RASGRF2: variants seen among roughly 807,000 people sequenced by gnomAD.
The protein encoded by RASGRF2 is ras-specific guanine nucleotide-releasing factor 2.
A neutral mutation model predicts 151.0 loss-of-function variants in RASGRF2; 76 were observed. That is an observed-to-expected ratio of 0.50 (90% CI 0.42 to 0.61). The LOEUF is 0.61. Among genes scored for constraint, RASGRF2 ranks in the 20% least tolerant of loss-of-function variants. RASGRF2 has a pLI of 0.00. For missense variants in RASGRF2, 1,148 were observed against 1,564.6 expected, an observed-to-expected ratio of 0.73 and a Z score of 4.49; for synonymous variants, 504 against 566.5, an observed-to-expected ratio of 0.89 and a Z score of 1.57.
intron 1 of RASGRF2, among the ~76,000 whole-genome samples, chr5:81,041,369 G>A (rs550874339): frequency 6.5e-4 from 98 of 151,634 alleles, no homozygotes; most frequent in Non-Finnish European, 8.8e-4. Flanking sequence ...ACTGTTATTC[G>A]TGAATATTGT....
intron 1 of RASGRF2, among the ~76,000 whole-genome samples, chr5:80,971,983 C>A (rs558552272): frequency 3.0e-4 from 45 of 152,154 alleles, no homozygotes; most frequent in Non-Finnish European, 5.9e-4. Context: ...GATCCTCCCA[C>A]CTTGGCCTCC....
At chr5:81,007,418 G>A (rs1380645345) in intron 1 of RASGRF2, among the ~76,000 whole-genome samples, 1 of 152,120 alleles carries the variant, frequency 6.6e-6, no homozygotes, top group African/African-American at 2.4e-5. Context: ...TCTGCCCTGA[G>A]GAAGGGGTTC....
chr5:81,120,513 G>A (rs1021240817), intron 15 of RASGRF2, among the ~76,000 whole-genome samples: 2 of 152,184 alleles, frequency 1.3e-5, no homozygotes, highest in African/African-American at 2.4e-5. Context: ...AGCCTAAGAG[G>A]TCAAGGACGC....
chr5:81,218,035 C>A (rs1185489572), intron 25 of RASGRF2, among the ~76,000 whole-genome samples: 1 of 152,112 alleles, frequency 6.6e-6, no homozygotes, highest in African/African-American at 2.4e-5. Flanking sequence ...AGCTACCGCA[C>A]CTGGCGACCA....
chr5:80,977,583 A>G (rs1748163948), intron 1 of RASGRF2, among the ~76,000 whole-genome samples: 1 of 152,042 alleles, frequency 6.6e-6, no homozygotes, highest in East Asian at 1.9e-4. Context: ...CAGCCTCTAG[A>G]GTAGCTGGGA....
At chr5:81,153,207 CG>C (rs1754176284) in intron 17 of RASGRF2, among the ~76,000 whole-genome samples, 1 of 152,174 alleles carries the variant, frequency 6.6e-6, no homozygotes, top group Non-Finnish European at 1.5e-5. Context: ...ATATCCTAAA[CG>C]GTGTGATCCG....
At chr5:81,157,445 A>T (rs1016293411) in intron 17 of RASGRF2, among the ~76,000 whole-genome samples, 74 of 152,284 alleles carry the variant, frequency 4.9e-4, no homozygotes, top group Middle Eastern at 3.4e-3. Flanking sequence ...GCTGAGAGAC[A>T]TTAGTGGAGA....
intron 1 of RASGRF2, among the ~76,000 whole-genome samples, chr5:81,026,541 G>A (rs1212526318): frequency 3.9e-5 from 6 of 152,082 alleles, no homozygotes; most frequent in South Asian, 2.1e-4. Flanking sequence ...CCCAATGCAC[G>A]TACAAACAGA....
intron 5 of RASGRF2, among the ~76,000 whole-genome samples, chr5:81,073,705 G>A (rs1411480891): frequency 2.6e-5 from 4 of 152,042 alleles, no homozygotes; most frequent in Middle Eastern, 3.4e-3. Context: ...TGCCAGCTCC[G>A]CCTCCCGGGT....
At chr5:81,084,658 A>G (rs542620600) in intron 7 of RASGRF2, among the ~76,000 whole-genome samples, 6 of 152,330 alleles carry the variant, frequency 3.9e-5, no homozygotes, top group South Asian at 2.1e-4. Flanking sequence ...AAGCAGCCCA[A>G]TGAAGGCCAC....
intron 13 of RASGRF2, among the ~76,000 whole-genome samples, chr5:81,111,809 G>C (rs1241368350): frequency 6.6e-6 from 1 of 151,860 alleles, no homozygotes; most frequent in Non-Finnish European, 1.5e-5. Flanking sequence ...AGTTTAATCC[G>C]AAAAAAATAA....
At chr5:81,216,209 ACTAT>A (rs1467865452) in intron 24 of RASGRF2, among the ~76,000 whole-genome samples, 4 of 152,264 alleles carry the variant, frequency 2.6e-5, no homozygotes, top group East Asian at 1.9e-4. Flanking sequence ...AATAAATCGG[ACTAT>A]CTTTTACTGT....
intron 5 of RASGRF2, among the ~76,000 whole-genome samples, chr5:81,074,483 C>G (rs540368953): frequency 1.3e-5 from 2 of 152,094 alleles, no homozygotes; most frequent in African/African-American, 4.8e-5. Flanking sequence ...CCCGATTCCC[C>G]CCACTTTCTA....
At chr5:80,978,678 T>C (rs1317039807) in intron 1 of RASGRF2, among the ~76,000 whole-genome samples, 1 of 151,980 alleles carries the variant, frequency 6.6e-6, no homozygotes, top group Non-Finnish European at 1.5e-5. Context: ...TCCCAGCTAC[T>C]CAGGAGGCTG....
intron 3 of RASGRF2, among the ~76,000 whole-genome samples, chr5:81,068,626 CCA>C (rs1264977768): frequency 6.6e-6 from 1 of 152,126 alleles, no homozygotes; most frequent in Non-Finnish European, 1.5e-5. Flanking sequence ...CTTCTCCCCT[CCA>C]CAGTTTTGAA....
intron 1 of RASGRF2, among the ~76,000 whole-genome samples, chr5:80,969,946 C>T (rs957708379): frequency 1.8e-4 from 27 of 150,792 alleles, no homozygotes; most frequent in Admixed American, 2.7e-4. Flanking sequence ...CCTGCCTCAG[C>T]CTCTCGAGTA....
intron 1 of RASGRF2, among the ~76,000 whole-genome samples, chr5:81,009,330 T>C (rs1749379141): frequency 6.6e-6 from 1 of 152,192 alleles, no homozygotes; most frequent in African/African-American, 2.4e-5. Flanking sequence ...CCTTATACCC[T>C]GAGAGCAGAT....
rs10584906 is a variant in RASGRF2 at position 80,969,815 on chromosome 5, C to CTTTTTTTTTT, written c.288+8808_288+8817dup. Among the ~76,000 whole-genome samples the CTTTTTTTTTT allele has an allele frequency of 4.3e-4, 33 of 76,940 alleles. 1 individual carries two copies. The highest frequency in any genetic ancestry group is 1.5e-3 in the African/African-American group (22 of 14,810). The allele number at this position is 76,940 out of a possible 152,430, so 50.5% of individuals were successfully genotyped here. A position where few individuals can be genotyped will look rare whatever the true frequency, so the allele number is the denominator to read the frequency against. On this transcript the variant is annotated intron_variant, in intron 1 of 26. Transcript: ENST00000265080. Reference sequence around the variant, plus strand: ...ACAGATGCCAATAATACTTCTTCTTCTTTTTTTTTTTTTTTTTTTTTTTTT... The same window carrying CTTTTTTTTTT: ...ACAGATGCCAATAATACTTCTTCTTCTTTTTTTTTTTTTTTTTTTTTTTTTTTTTTTTTTT...
At chr5:80,971,565 G>GT (rs1270416142) in intron 1 of RASGRF2, among the ~76,000 whole-genome samples, 1 of 138,112 alleles carries the variant, frequency 7.2e-6, no homozygotes, top group African/African-American at 2.7e-5. Context: ...ACCACACCTG[G>GT]TATTTTTTTT....
Sources: allele counts gnomAD v4.1 joint callset (sites outside exome capture counted in the v4.1 genomes callset), GRCh38; gene constraint gnomAD v4.1.1; transcripts MANE v1.5; gene names NCBI Gene and HGNC (gene_info 2026-07-23, HGNC 2026-07-21).